Variants in PSMA8 observed in about 807,000 individuals in gnomAD.
PSMA8 encodes the protein proteasome 20S subunit alpha 8, also known as proteasome subunit alpha-type 8.
A neutral mutation model predicts 32.4 loss-of-function variants in PSMA8; 18 were observed. The observed-to-expected ratio is 0.56, with a 90% CI of 0.38 to 0.82. PSMA8 has a LOEUF of 0.82. PSMA8 is among the 40% of genes least tolerant of loss of function. PSMA8 has a pLI of 0.00. For missense variants in PSMA8, 298 were observed against 300.7 expected, an observed-to-expected ratio of 0.99 and a Z score of 0.07; for synonymous variants, 104 against 98.1, an observed-to-expected ratio of 1.06 and a Z score of -0.36.
intron 1 of PSMA8, among the ~76,000 whole-genome samples, chr18:26,135,009 G>T (rs2054900685): frequency 6.6e-6 from 1 of 151,714 alleles, no homozygotes; most frequent in African/African-American, 2.4e-5. Flanking sequence ...CCTTGTAGAG[G>T]CTCAAAAGTC....
chr18:26,168,488 G>GTT lies in PSMA8; in HGVS notation c.477+10265_477+10266dup, dbSNP rs774062151. 7.4e-4 allele frequency among the ~76,000 whole-genome samples: 50 copies of GTT among 67,680 alleles called. 3 individuals carry two copies. Among genetic ancestry groups the GTT allele is most frequent in the Middle Eastern group, 8.1e-3 (1 of 124 alleles). 44.4% of individuals were successfully genotyped at this position (67,680 alleles called of 152,430 possible). ...ATTGCCTAACCAACCCTTTCCCCTT[G>GTT]TTTTTTTTTTTTTTTTTTTTTTACT... On this transcript the variant is annotated intron_variant, in intron 4 of 6. Coordinates refer to ENST00000415576, the MANE Select transcript of PSMA8 (RefSeq NM_001025096.2).
intron 1 of PSMA8, among the ~76,000 whole-genome samples, chr18:26,143,896 G>A (rs753998052): frequency 9.9e-5 from 15 of 151,772 alleles, no homozygotes; most frequent in Non-Finnish European, 1.8e-4. Context: ...TAATTTTTGT[G>A]TTTTTAGTAG....
chr18:26,167,363 A>G (rs1197180778), intron 4 of PSMA8, among the ~76,000 whole-genome samples: 1 of 152,204 alleles, frequency 6.6e-6, no homozygotes, highest in African/African-American at 2.4e-5. Context: ...CCAGAGAGTA[A>G]ATATATTTGC....
At chr18:26,173,133 T>TA (rs1453409549) in intron 4 of PSMA8, among the ~76,000 whole-genome samples, 3 of 152,082 alleles carry the variant, frequency 2.0e-5, no homozygotes, top group African/African-American at 7.2e-5. Flanking sequence ...TAAGTCAGAG[T>TA]AAAAACCAAA....
chr18:26,176,988 A>G (rs993560616), intron 4 of PSMA8, among the ~76,000 whole-genome samples: 1 of 152,078 alleles, frequency 6.6e-6, no homozygotes, highest in Non-Finnish European at 1.5e-5. Context: ...ACATTCCCCC[A>G]TTTAATGCCA....
chr18:26,187,810 C>A lies in PSMA8; in HGVS notation c.661-4509C>A, dbSNP rs893553474. Among the ~76,000 whole-genome samples, 8 of 151,978 alleles carry A rather than the reference C, an allele frequency of 5.3e-5. 1 individual carries two copies. In the East Asian group the frequency reaches 1.4e-3, roughly 26 times the overall value. On this transcript the variant is annotated intron_variant, in intron 6 of 6. Coordinates refer to ENST00000415576, the MANE Select transcript of PSMA8 (RefSeq NM_001025096.2). Reference sequence around the variant, plus strand: ...TAAACATTATTAGAGCTAAAAAAAACCAGATAGATTCCAATACAATAATAG... The same window carrying A: ...TAAACATTATTAGAGCTAAAAAAAAACAGATAGATTCCAATACAATAATAG...
Position 26,154,666 on chromosome 18 carries a change from T to G in PSMA8, c.354+2684T>G, listed in dbSNP as rs185193422. Among the ~76,000 whole-genome samples, 47 of 152,272 alleles carry G rather than the reference T, an allele frequency of 3.1e-4. No individual in the cohort carries two copies. The East Asian group carries it at 6.6e-3, about 21-fold the overall frequency. Reference sequence around the variant, plus strand: ...GTCTCACTCTGTCACCAGGCTGGAGTGCAGTGGTGCAATCTTCTTGGCTCA... The same window carrying G: ...GTCTCACTCTGTCACCAGGCTGGAGGGCAGTGGTGCAATCTTCTTGGCTCA... On this transcript the variant is annotated intron_variant, in intron 3 of 6. Transcript: ENST00000415576.
rs1224461512 is a variant in PSMA8 at position 26,133,891 on chromosome 18, T to A, written c.-75T>A. The A allele has an allele frequency of 7.8e-7, 1 of 1,289,578 alleles. No individual in the cohort carries two copies. 79.9% of individuals were successfully genotyped at this position (1,289,578 alleles called of 1,614,324 possible). A position where few individuals can be genotyped will look rare whatever the true frequency, so the allele number is the denominator to read the frequency against. ...AGCGCTTCCGGGCGGTAGCACGCTG[T>A]GTTGGCGGCGGCTCCCCGCTTGCCT... is the stretch of plus-strand genomic sequence containing the variant. On this transcript the variant is annotated 5_prime_UTR_variant, in exon 1 of 7. Transcript: ENST00000415576.
At chr18:26,171,293 A>C in intron 4 of PSMA8, 2 of 1,571,950 alleles carry the variant, frequency 1.3e-6, no homozygotes, top group Non-Finnish European at 1.7e-6. Context: ...CCATGACAGC[A>C]GCGGGAGGAC....
intron 1 of PSMA8, among the ~76,000 whole-genome samples, chr18:26,134,847 G>C (rs180805601): frequency 2.0e-5 from 3 of 152,172 alleles, no homozygotes; most frequent in Admixed American, 6.5e-5. Flanking sequence ...CCAGCTACTC[G>C]GGAGGCTGAG....
chr18:26,135,633 C>T (rs2054905316), intron 1 of PSMA8, among the ~76,000 whole-genome samples: 1 of 152,030 alleles, frequency 6.6e-6, no homozygotes, highest in African/African-American at 2.4e-5. Context: ...TATATAATCC[C>T]CAGCATAGCA....
At chr18:26,166,104 A>G (rs1226533143) in intron 4 of PSMA8, among the ~76,000 whole-genome samples, 1 of 152,122 alleles carries the variant, frequency 6.6e-6, no homozygotes, top group African/African-American at 2.4e-5. Flanking sequence ...TCTGTCTCAA[A>G]AAGAAAAAGA....
At chr18:26,150,858 C>T (rs1206746377) in intron 2 of PSMA8, among the ~76,000 whole-genome samples, 20 of 152,056 alleles carry the variant, frequency 1.3e-4, no homozygotes, top group Non-Finnish European at 7.4e-5. Flanking sequence ...GATTGAGTGA[C>T]GTTTTCATCC....
intron 1 of PSMA8, among the ~76,000 whole-genome samples, chr18:26,141,494 A>G (rs2054955511): frequency 6.6e-6 from 1 of 152,118 alleles, no homozygotes; most frequent in Admixed American, 6.5e-5. Flanking sequence ...GTCCTAATAT[A>G]TGTTAAATTG....
At chr18:26,140,198 C>A (rs1310466847) in intron 1 of PSMA8, 2 of 699,922 alleles carry the variant, frequency 2.9e-6, no homozygotes, top group South Asian at 3.0e-5. Context: ...CCACTAGAGT[C>A]CTTTGGCAGG....
rs937442314 is a variant in PSMA8 at position 26,192,519 on chromosome 18, G to A, written c.*108G>A. On this transcript the variant is annotated 3_prime_UTR_variant, in exon 7 of 7. Transcript: ENST00000415576. ...CAGTTATTTTGCAGCATTACATGCA[G>A]TACTTGTGTGATGTTTTGAGAATGC... 20 of 1,267,670 alleles carry A rather than the reference G, an allele frequency of 1.6e-5. No homozygotes were observed. The highest frequency in any genetic ancestry group is 3.2e-5 in the East Asian group (1 of 31,096). 78.5% of individuals were successfully genotyped at this position (1,267,670 alleles called of 1,614,324 possible).
chr18:26,178,941 T>C lies in PSMA8; in HGVS notation c.589T>C (p.Leu197=). 2 of 1,612,776 alleles carry C rather than the reference T, an allele frequency of 1.2e-6. No homozygotes were observed. The highest frequency in any genetic ancestry group is 1.7e-6 in the Non-Finnish European group (2 of 1,179,614). The change falls in exon 5 of 7, where the codon TTG becomes CTG. Residue 197 remains leucine (L), a synonymous_variant. Transcript: ENST00000415576. ...SEAIKLAIKA[L]LEVVQSGGKN... Reference sequence around the variant, plus strand: ...AGCTATCAAGTTAGCAATAAAAGCTTTGCTAGAAGTAAGTGATCTAATAAA... The same window carrying C: ...AGCTATCAAGTTAGCAATAAAAGCTCTGCTAGAAGTAAGTGATCTAATAAA...
rs762830746 is a variant in PSMA8, at chr18:26,167,845, A to ATT, written c.477+9618_477+9619dup. On this transcript the variant is annotated intron_variant, in intron 4 of 6. Coordinates refer to ENST00000415576, the MANE Select transcript of PSMA8 (RefSeq NM_001025096.2). ...TGGTTTATGCCACCTGGTCTGTGGT[A>ATT]TTTTTTTTTTTTTTTTTTATTAACA... Among the ~76,000 whole-genome samples, 649 of 117,526 alleles carry ATT rather than the reference A, an allele frequency of 5.5e-3. 190 individuals are homozygous for ATT. Among genetic ancestry groups the ATT allele is most frequent in the African/African-American group, 0.029 (621 of 21,304 alleles). The allele number at this position is 117,526 out of a possible 152,430, so 77.1% of individuals were successfully genotyped here.
In PSMA8 at chr18:26,135,382, T is replaced by C. The variant is rs534573064; in HGVS notation, c.102+1315T>C. Among the ~76,000 whole-genome samples the C allele has an allele frequency of 8.9e-4, 136 of 152,284 alleles. 1 individual carries two copies. The highest frequency in any genetic ancestry group is 1.7e-3 in the Non-Finnish European group (115 of 68,012). On this transcript the variant is annotated intron_variant, in intron 1 of 6. Coordinates refer to ENST00000415576, the MANE Select transcript of PSMA8 (RefSeq NM_001025096.2). ...CAGTACGTTTCTAAGTCTAGCAGTG[T>C]CTATATTTTCTGACTTTCTTTGTTA... is the stretch of plus-strand genomic sequence containing the variant.
Sources: allele counts gnomAD v4.1 joint callset (sites outside exome capture counted in the v4.1 genomes callset), GRCh38; gene constraint gnomAD v4.1.1; transcripts MANE v1.5; gene names NCBI Gene and HGNC (gene_info 2026-07-23, HGNC 2026-07-21).